The following HHAT variants were observed in gnomAD, a reference collection of about 807,000 sequenced individuals.
HHAT encodes the protein protein-cysteine N-palmitoyltransferase HHAT.
A neutral mutation model predicts 70.8 loss-of-function variants in HHAT; 47 were observed. That is an observed-to-expected ratio of 0.66 (90% CI 0.53 to 0.85). HHAT has a LOEUF of 0.85. Among genes scored for constraint, HHAT ranks in the 40% least tolerant of loss-of-function variants. The probability of loss-of-function intolerance (pLI) is 0.00; values close to 1 mark genes in which losing one functional copy is unlikely to be tolerated. For missense variants in HHAT, 609 were observed against 604.8 expected (o/e 1.01, Z -0.07); for synonymous variants, 228 against 247.6 (o/e 0.92, Z 0.74).
intron 7 of HHAT, chr1:210,462,965 A>G (rs2094010322): frequency 6.6e-6 from 1 of 152,226 alleles, no homozygotes; most frequent in Admixed American, 6.5e-5. Context: ...CATGTCCTGC[A>G]GTAATTTTCT....
intron 10 of HHAT, among the ~76,000 whole-genome samples, chr1:210,592,009 T>G (rs1661829381): frequency 6.6e-6 from 1 of 152,116 alleles, no homozygotes; most frequent in African/African-American, 2.4e-5. Context: ...GATTGTTTCC[T>G]TTACTGTGCA....
intron 8 of HHAT, among the ~76,000 whole-genome samples, chr1:210,469,141 G>A (rs1302534649): frequency 1.3e-5 from 2 of 152,152 alleles, no homozygotes; most frequent in Non-Finnish European, 2.9e-5. Flanking sequence ...GAGGAAGTGA[G>A]CAGTGATGGG....
intron 9 of HHAT, among the ~76,000 whole-genome samples, chr1:210,541,112 A>C (rs1220123305): frequency 6.6e-6 from 1 of 152,186 alleles, no homozygotes; most frequent in Non-Finnish European, 1.5e-5. Flanking sequence ...AAGTGCAAGG[A>C]TTACAGGTGT....
chr1:210,362,575 A>G (rs2088465973), intron 2 of HHAT, among the ~76,000 whole-genome samples: 1 of 152,030 alleles, frequency 6.6e-6, no homozygotes, highest in Non-Finnish European at 1.5e-5. Context: ...AACCCTTCCC[A>G]TGTTTTCCTG....
At chr1:210,518,499 C>A (rs1466326209) in intron 9 of HHAT, among the ~76,000 whole-genome samples, 1 of 152,060 alleles carries the variant, frequency 6.6e-6, no homozygotes, top group Non-Finnish European at 1.5e-5. Flanking sequence ...AAATTTAAAA[C>A]ATTTTATTTG....
intron 6 of HHAT, among the ~76,000 whole-genome samples, chr1:210,409,481 CG>C (rs1418717414): frequency 1.3e-5 from 2 of 151,906 alleles, no homozygotes; most frequent in Non-Finnish European, 2.9e-5. Context: ...GGATGGCTAG[CG>C]GGTGGGAGTA....
intron 11 of HHAT, among the ~76,000 whole-genome samples, chr1:210,652,862 T>C (rs1262918635): frequency 6.6e-6 from 1 of 152,208 alleles, no homozygotes; most frequent in Non-Finnish European, 1.5e-5. Context: ...TTTTACCTCA[T>C]AGATTCCTGT....
intron 2 of HHAT, among the ~76,000 whole-genome samples, chr1:210,354,271 C>G (rs544577850): frequency 2.2e-5 from 3 of 134,408 alleles, no homozygotes; most frequent in Middle Eastern, 4.8e-3. Context: ...GTGGCACGAT[C>G]TCTGCTCACT....
intron 7 of HHAT, among the ~76,000 whole-genome samples, chr1:210,420,250 A>G (rs562013396): frequency 1.2e-4 from 18 of 150,854 alleles, no homozygotes; most frequent in African/African-American, 4.4e-4. Flanking sequence ...CTTGTTATGT[A>G]TGTTCTGTGA....
At chr1:210,487,065 A>G (rs1375856024) in intron 8 of HHAT, among the ~76,000 whole-genome samples, 3 of 152,206 alleles carry the variant, frequency 2.0e-5, no homozygotes, top group Non-Finnish European at 4.4e-5. Flanking sequence ...TTTCACTCCT[A>G]AGATGTCCAG....
At chr1:210,633,022 G>T (rs34258739) in intron 11 of HHAT, among the ~76,000 whole-genome samples, 10,074 of 152,220 alleles carry the variant, frequency 0.066, 491 homozygotes, top group Middle Eastern at 0.1. Context: ...GTCCCTGCTG[G>T]CTCCTTGATT....
rs1324452281 is a variant in HHAT, at chr1:210,386,230, C to CTTTCTT, written c.160-1235_160-1234insCTTTTT. Among the ~76,000 whole-genome samples the CTTTCTT allele has an allele frequency of 1.7e-3, 122 of 69,924 alleles. 16 individuals are homozygous for CTTTCTT. Among genetic ancestry groups the CTTTCTT allele is most frequent in the Admixed American group, 0.013 (73 of 5,652 alleles). The allele number at this position is 69,924 out of a possible 152,430, so 45.9% of individuals were successfully genotyped here. On this transcript the variant is annotated intron_variant, in intron 3 of 11. Coordinates refer to ENST00000261458, the MANE Select transcript of HHAT (RefSeq NM_018194.6). ...ATTGCAGGAGTCCTTTTCTTTTTTT[C>CTTTCTT]TTTTTTTTTTTTTTTTTTTTTTTTT...
intron 5 of HHAT, among the ~76,000 whole-genome samples, chr1:210,402,176 C>T (rs1467116184): frequency 6.6e-6 from 1 of 152,210 alleles, no homozygotes; most frequent in African/African-American, 2.4e-5. Flanking sequence ...GTCCAAGGCC[C>T]CAGCTCCAGG....
At chr1:210,577,880 A>G (rs1658259047) in intron 9 of HHAT, among the ~76,000 whole-genome samples, 1 of 151,852 alleles carries the variant, frequency 6.6e-6, no homozygotes, top group African/African-American at 2.4e-5. Context: ...TCCTGACCTC[A>G]TGTGATCTGC....
intron 8 of HHAT, among the ~76,000 whole-genome samples, chr1:210,475,712 T>C (rs1361215119): frequency 6.6e-6 from 1 of 152,242 alleles, no homozygotes; most frequent in Non-Finnish European, 1.5e-5. Flanking sequence ...GAAGGAAGCC[T>C]TGTGGCCCAG....
chr1:210,659,450 A>G (rs12401748), intron 11 of HHAT, among the ~76,000 whole-genome samples: 7,269 of 152,216 alleles, frequency 0.048, 312 homozygotes, highest in African/African-American at 0.11. Context: ...TAGCCTCCCA[A>G]CCAAAAAAAG....
At chr1:210,392,386 C>G (rs2091514837) in intron 4 of HHAT, among the ~76,000 whole-genome samples, 1 of 152,034 alleles carries the variant, frequency 6.6e-6, no homozygotes, top group Non-Finnish European at 1.5e-5. Context: ...ATCAGTGTTT[C>G]TTAAATTTTT....
At chr1:210,440,272 A>T (rs3765851) in intron 7 of HHAT, among the ~76,000 whole-genome samples, 1 of 151,324 alleles carries the variant, frequency 6.6e-6, no homozygotes, top group Admixed American at 6.6e-5. Context: ...TAATTCCTGT[A>T]GGAGGAAAGG....
chr1:210,404,015 A>G (rs11119485), intron 5 of HHAT, among the ~76,000 whole-genome samples: 17,463 of 151,996 alleles, frequency 0.11, 1,295 homozygotes, highest in East Asian at 0.26. Flanking sequence ...AACTGATAAC[A>G]AAAGAGGAAA....
Sources: allele counts gnomAD v4.1 joint callset (sites outside exome capture counted in the v4.1 genomes callset), GRCh38; gene constraint gnomAD v4.1.1; transcripts MANE v1.5; gene names NCBI Gene and HGNC (gene_info 2026-07-23, HGNC 2026-07-21).